Variants in ARL6 observed in about 807,000 individuals in gnomAD.
ARL6 encodes the protein ADP-ribosylation factor-like protein 6.
A neutral mutation model predicts 27.1 loss-of-function variants in ARL6; 18 were observed. The observed-to-expected ratio is 0.66, with a 90% confidence interval of 0.46 to 0.98. The LOEUF is 0.98. ARL6 is among the 50% of genes least tolerant of loss of function. The probability of loss-of-function intolerance (pLI) is 0.00; values close to 1 mark genes in which losing one functional copy is unlikely to be tolerated. For missense variants in ARL6, 187 were observed against 214.9 expected, an observed-to-expected ratio of 0.87 and a Z score of 0.81; for synonymous variants, 65 against 72.3, an observed-to-expected ratio of 0.90 and a Z score of 0.51.
chr3:97,766,844 T>C (rs2036403074), intron 1 of ARL6, among the ~76,000 whole-genome samples: 1 of 152,146 alleles, frequency 6.6e-6, no homozygotes. Context: ...ATGAGAAATA[T>C]TTGGTACATA....
chr3:97,769,291 C>G (rs1166854521), intron 2 of ARL6, among the ~76,000 whole-genome samples: 1 of 151,776 alleles, frequency 6.6e-6, no homozygotes. Flanking sequence ...TTAATCTGAT[C>G]GCTTTTTTCA....
chr3:97,794,262 G>A (rs1259366678), intron 7 of ARL6, among the ~76,000 whole-genome samples: 1 of 150,932 alleles, frequency 6.6e-6, no homozygotes. Flanking sequence ...ACCCAGGCTG[G>A]AGTGCAGTGG....
intron 7 of ARL6, among the ~76,000 whole-genome samples, chr3:97,795,951 A>G (rs969598831): frequency 2.6e-5 from 4 of 152,194 alleles, no homozygotes; most frequent in South Asian, 2.1e-4. Flanking sequence ...TAGGCAGGAT[A>G]TAGGAAGAGT....
Position 97,780,642 on chromosome 3 carries a change from A to T in ARL6, c.213A>T (p.Ser71=). The T allele has an allele frequency of 6.2e-7, 1 of 1,613,388 alleles. No homozygotes were observed. Among genetic ancestry groups the T allele is most frequent in the Non-Finnish European group, 8.5e-7 (1 of 1,179,508 alleles). ...TGTCATTTACAGTGTTTGACATGTC[A>T]GGTCAAGGAAGATACAGAAATCTCT... is the stretch of plus-strand genomic sequence containing the variant. ...SSLSFTVFDM[S]GQGRYRNLWE... The change falls in exon 4 of 8, where the codon TCA becomes TCT. Residue 71 remains serine, a synonymous_variant. Coordinates refer to ENST00000463745, the MANE Select transcript of ARL6 (RefSeq NM_001278293.3).
At chr3:97,786,654 T>G (rs184245061) in intron 5 of ARL6, among the ~76,000 whole-genome samples, 2 of 152,252 alleles carry the variant, frequency 1.3e-5, no homozygotes, top group African/African-American at 2.4e-5. Context: ...AATAGCAAAA[T>G]GTACTGTGAA....
chr3:97,791,388 T>A (rs1309851959), intron 6 of ARL6: 1 of 176,156 alleles, frequency 5.7e-6, no homozygotes, highest in African/African-American at 2.4e-5. Flanking sequence ...CACACCATAA[T>A]ATGGCTGTAT....
rs72934163 is a variant in ARL6, at chr3:97,791,906, A to G, written c.535+80A>G. 23,959 of 1,221,360 alleles carry G rather than the reference A, an allele frequency of 0.02. 3,085 individuals are homozygous for G. In the African/African-American group the frequency reaches 0.32, roughly 16 times the overall value. The allele number at this position is 1,221,360 out of a possible 1,614,324, so 75.7% of individuals were successfully genotyped here. ...TTTATCTTTTTTTACATTTTATTTT[A>G]TTATATCATTGCCTTTTTTCCTCTT... On this transcript the variant is annotated intron_variant, in intron 7 of 7. Transcript: ENST00000463745.
intron 1 of ARL6, among the ~76,000 whole-genome samples, chr3:97,767,367 A>T (rs1576424966): frequency 6.6e-6 from 1 of 152,148 alleles, no homozygotes; most frequent in Non-Finnish European, 1.5e-5. Context: ...AGGTTCAATA[A>T]ATTGAATGTG....
intron 7 of ARL6, 82 bp from the exon 8 acceptor site, chr3:97,797,942 G>A: frequency 7.8e-7 from 1 of 1,284,290 alleles, no homozygotes; most frequent in Non-Finnish European, 1.1e-6. Context: ...CCAACATGTT[G>A]TATAGATTTG....
chr3:97,778,985 A>G (rs2108025982), intron 2 of ARL6, among the ~76,000 whole-genome samples: 1 of 152,298 alleles, frequency 6.6e-6, no homozygotes, highest in Middle Eastern at 3.4e-3. Flanking sequence ...AAGTAGATAT[A>G]TTTTTATTCA....
chr3:97,797,992 A>G, intron 7 of ARL6, 32 bp from the exon 8 acceptor site: 3 of 1,607,102 alleles, frequency 1.9e-6, no homozygotes, highest in Middle Eastern at 1.7e-4. Context: ...CCCTATAGAG[A>G]TTGATAATTT....
intron 2 of ARL6, among the ~76,000 whole-genome samples, chr3:97,768,517 C>T (rs1220108228): frequency 6.6e-6 from 1 of 151,976 alleles, no homozygotes; most frequent in Non-Finnish European, 1.5e-5. Flanking sequence ...TTCCTCCTTA[C>T]AGGAGGAGCA....
At chr3:97,776,457 G>T (rs2036905913) in intron 2 of ARL6, among the ~76,000 whole-genome samples, 1 of 151,886 alleles carries the variant, frequency 6.6e-6, no homozygotes, top group Admixed American at 6.6e-5. Context: ...TGATAGGTAA[G>T]GACTTACTAT....
At chr3:97,779,375 T>G (rs1346989184) in intron 2 of ARL6, among the ~76,000 whole-genome samples, 1 of 152,158 alleles carries the variant, frequency 6.6e-6, no homozygotes, top group African/African-American at 2.4e-5. Flanking sequence ...AGAGAGACCA[T>G]TCCTGAGCAC....
chr3:97,796,467 A>C (rs1380250326), intron 7 of ARL6, among the ~76,000 whole-genome samples: 1 of 152,134 alleles, frequency 6.6e-6, no homozygotes, highest in South Asian at 2.1e-4. Context: ...ATTTGAAAGA[A>C]AAGAAAGGGG....
intron 2 of ARL6, among the ~76,000 whole-genome samples, chr3:97,776,477 G>T (rs1273111205): frequency 6.6e-6 from 1 of 151,946 alleles, no homozygotes. Context: ...TTGCCATTTA[G>T]TTAATTTTTC....
At chr3:97,766,198 T>G (rs1345761562) in intron 1 of ARL6, 1 of 152,190 alleles carries the variant, frequency 6.6e-6, no homozygotes, top group African/African-American at 2.4e-5. Context: ...AAAACATAAG[T>G]TCTAAATTAT....
chr3:97,792,361 T>G (rs1248310073), intron 7 of ARL6, among the ~76,000 whole-genome samples: 1 of 152,094 alleles, frequency 6.6e-6, no homozygotes, highest in Non-Finnish European at 1.5e-5. Flanking sequence ...TGTACACCTG[T>G]AAACCCAGCT....
intron 4 of ARL6, among the ~76,000 whole-genome samples, chr3:97,784,581 A>G (rs2037356894): frequency 6.6e-6 from 1 of 151,772 alleles, no homozygotes; most frequent in Non-Finnish European, 1.5e-5. Flanking sequence ...CATATGTAAT[A>G]TACACAAAGT....
Sources: gnomAD v4.1 joint callset for allele counts (sites outside exome capture counted in the v4.1 genomes callset) on GRCh38, gnomAD v4.1.1 for gene constraint, MANE v1.5 for transcripts, NCBI Gene and HGNC (gene_info 2026-07-23, HGNC 2026-07-21) for gene names.